Variants in DNAH14 observed in about 807,000 individuals in gnomAD.
The protein encoded by DNAH14 is dynein axonemal heavy chain 14.
In DNAH14, 478 loss-of-function variants were observed where a neutral mutation model predicts 520.9. The ratio of observed to expected loss-of-function variants is 0.92; its 90% CI spans 0.85 to 0.99. The LOEUF is 0.99. Among genes scored for constraint, DNAH14 ranks in the 50% least tolerant of loss-of-function variants. The pLI, the probability that DNAH14 is intolerant of heterozygous loss-of-function variation, is 0.00. For missense variants in DNAH14, 4,831 were observed against 5,234.5 expected (o/e 0.92, Z 2.38); for synonymous variants, 1,581 against 1,757.2 (o/e 0.90, Z 2.51).
intron 79 of DNAH14, among the ~76,000 whole-genome samples, chr1:225,379,473 T>G (rs6683753): frequency 0.11 from 17,177 of 152,158 alleles, 1,042 homozygotes; most frequent in South Asian, 0.15. Context: ...ATTAGATAGA[T>G]CTGTAGCTTG....
At chr1:224,973,697 A>C (rs2061640328) in intron 7 of DNAH14, among the ~76,000 whole-genome samples, 1 of 152,232 alleles carries the variant, frequency 6.6e-6, no homozygotes, top group African/African-American at 2.4e-5. Flanking sequence ...ACTTACCACT[A>C]TACAGACTTT....
intron 28 of DNAH14, 108 bp from the exon 29 acceptor site, chr1:225,144,289 G>GT (rs1356223207): frequency 3.5e-6 from 3 of 846,340 alleles, no homozygotes; most frequent in Admixed American, 5.6e-5. Flanking sequence ...ACTTCTATTT[G>GT]TTTTTTTAAT....
At chr1:225,061,311 G>T (rs906676715) in intron 17 of DNAH14, among the ~76,000 whole-genome samples, 1 of 152,220 alleles carries the variant, frequency 6.6e-6, no homozygotes, top group Non-Finnish European at 1.5e-5. Flanking sequence ...GACCCTCTGA[G>T]CCAGGCGCTG....
At chr1:224,949,218 C>A (rs2060020492) in intron 1 of DNAH14, among the ~76,000 whole-genome samples, 3 of 152,248 alleles carry the variant, frequency 2.0e-5, no homozygotes, top group South Asian at 4.1e-4. Context: ...GAAGCCCATT[C>A]TTAGTCCAAT....
chr1:225,006,555 G>A (rs2064186540), intron 9 of DNAH14, among the ~76,000 whole-genome samples: 1 of 107,550 alleles, frequency 9.3e-6, no homozygotes, highest in Non-Finnish European at 2.2e-5. Flanking sequence ...TTGAAGATAA[G>A]GGATGAAATA....
intron 11 of DNAH14, among the ~76,000 whole-genome samples, chr1:225,035,553 A>T (rs1351305941): frequency 6.6e-6 from 1 of 151,492 alleles, no homozygotes; most frequent in African/African-American, 2.4e-5. Context: ...CTTCCCTGTT[A>T]GTACTGCTTT....
intron 11 of DNAH14, among the ~76,000 whole-genome samples, chr1:225,037,334 A>AT (rs2067059728): frequency 1.3e-5 from 2 of 151,020 alleles, no homozygotes; most frequent in South Asian, 4.2e-4. Context: ...AGTGAAGGTG[A>AT]TTTTCTCTGG....
intron 49 of DNAH14, among the ~76,000 whole-genome samples, chr1:225,267,435 A>T (rs1029340457): frequency 1.3e-5 from 2 of 151,618 alleles, no homozygotes; most frequent in Non-Finnish European, 2.9e-5. Context: ...CTGGGACTAC[A>T]GGCGCCCACC....
chr1:225,050,534 G>A (rs1283829073), intron 16 of DNAH14, among the ~76,000 whole-genome samples, 158 bp downstream of exon 16: 4 of 152,174 alleles, frequency 2.6e-5, no homozygotes, highest in Admixed American at 1.3e-4. Context: ...CCCATGATCT[G>A]TCATCGCTGC....
intron 21 of DNAH14, among the ~76,000 whole-genome samples, chr1:225,093,118 G>A (rs2074555376): frequency 6.6e-6 from 1 of 152,088 alleles, no homozygotes; most frequent in Admixed American, 6.6e-5. Context: ...AAAAAGTTCA[G>A]GAGGAGGGAC....
At chr1:225,375,632 T>C (rs1244738535) in intron 78 of DNAH14, among the ~76,000 whole-genome samples, 1 of 152,168 alleles carries the variant, frequency 6.6e-6, no homozygotes, top group Non-Finnish European at 1.5e-5. Flanking sequence ...GGAGATTCAT[T>C]TGTAAGGCAT....
At chr1:225,057,749 A>T (rs1336761153) in intron 17 of DNAH14, among the ~76,000 whole-genome samples, 1 of 152,140 alleles carries the variant, frequency 6.6e-6, no homozygotes, top group East Asian at 1.9e-4. Context: ...GGGTTGTTGA[A>T]TTTTGTCAAA....
At chr1:224,950,919 A>T (rs1398584713) in intron 1 of DNAH14, among the ~76,000 whole-genome samples, 1 of 152,248 alleles carries the variant, frequency 6.6e-6, no homozygotes, top group Non-Finnish European at 1.5e-5. Flanking sequence ...AATTTCATCA[A>T]TAAAACATTT....
chr1:225,021,602 G>A (rs531744407), intron 10 of DNAH14, among the ~76,000 whole-genome samples: 1 of 152,000 alleles, frequency 6.6e-6, no homozygotes, highest in Non-Finnish European at 1.5e-5. Context: ...TGTACAATGA[G>A]AATTACAAAG....
intron 1 of DNAH14, among the ~76,000 whole-genome samples, chr1:224,934,916 C>G (rs1266945641): frequency 6.6e-6 from 1 of 151,680 alleles, no homozygotes. Flanking sequence ...AATATATTAT[C>G]AGCTAAAATG....
chr1:225,001,972 A>G (rs2063805433), intron 8 of DNAH14, among the ~76,000 whole-genome samples: 1 of 152,272 alleles, frequency 6.6e-6, no homozygotes, highest in South Asian at 2.1e-4. Context: ...TGATGAACCC[A>G]TGAAGCTTAA....
chr1:224,974,802 G>A (rs1264638227), intron 8 of DNAH14, among the ~76,000 whole-genome samples: 1 of 152,102 alleles, frequency 6.6e-6, no homozygotes, highest in Non-Finnish European at 1.5e-5. Context: ...TTTCAAGAAT[G>A]TTCTTTTCAA....
chr1:225,299,609 A>T (rs1010419014), intron 55 of DNAH14, among the ~76,000 whole-genome samples: 9 of 152,240 alleles, frequency 5.9e-5, no homozygotes, highest in African/African-American at 2.2e-4. Flanking sequence ...CCAGGAGCCC[A>T]TTGTTCTAAT....
At chr1:225,021,235 G>C (rs1282704674) in intron 10 of DNAH14, among the ~76,000 whole-genome samples, 2 of 152,056 alleles carry the variant, frequency 1.3e-5, no homozygotes, top group Admixed American at 1.3e-4. Flanking sequence ...CTGATAACTG[G>C]AACAAGAGAA....
Sources: allele counts gnomAD v4.1 joint callset (sites outside exome capture counted in the v4.1 genomes callset), GRCh38; gene constraint gnomAD v4.1.1; transcripts MANE v1.5; gene names NCBI Gene and HGNC (gene_info 2026-07-23, HGNC 2026-07-21).